Variants in TLK2 observed in about 807,000 individuals in gnomAD.
The protein encoded by TLK2 is tousled like kinase 2, also known as serine/threonine-protein kinase tousled-like 2.
TLK2 carries 6 observed loss-of-function variants against 117.3 expected under a neutral mutation model. That is an observed-to-expected ratio of 0.05 (90% CI 0.03 to 0.10). The LOEUF is 0.10. Among genes scored for constraint, TLK2 ranks in the 10% least tolerant of loss-of-function variants. The pLI, the probability that TLK2 is intolerant of heterozygous loss-of-function variation, is 1.00. For missense variants in TLK2, 299 were observed against 901.2 expected, an observed-to-expected ratio of 0.33 and a Z score of 8.56; for synonymous variants, 257 against 316.7, an observed-to-expected ratio of 0.81 and a Z score of 2.00.
chr17:62,524,488 A>T (rs2076246052), intron 6 of TLK2, among the ~76,000 whole-genome samples, 157 bp downstream of exon 6: 1 of 152,206 alleles, frequency 6.6e-6, no homozygotes, highest in Non-Finnish European at 1.5e-5. Flanking sequence ...CTTTGATTCA[A>T]ATCTGTTGTC....
chr17:62,501,633 A>G (rs913300450), intron 2 of TLK2, among the ~76,000 whole-genome samples: 1 of 152,048 alleles, frequency 6.6e-6, no homozygotes, highest in African/African-American at 2.4e-5. Context: ...GAATCTGAAT[A>G]ACCCCATATT....
At chr17:62,490,688 C>A (rs565834827) in intron 2 of TLK2, among the ~76,000 whole-genome samples, 1 of 151,770 alleles carries the variant, frequency 6.6e-6, no homozygotes, top group East Asian at 1.9e-4. Flanking sequence ...ACTATAGGCA[C>A]GCGCCACCGC....
rs57512334 is a variant in TLK2 at position 62,538,033 on chromosome 17, G to GTTTTTTT, written c.531+1710_531+1716dup. Among the ~76,000 whole-genome samples, 17 of 106,176 alleles carry GTTTTTTT rather than the reference G, an allele frequency of 1.6e-4. 1 individual carries two copies. Among genetic ancestry groups the GTTTTTTT allele is most frequent in the South Asian group, 7.2e-4 (2 of 2,782 alleles). The allele number at this position is 106,176 out of a possible 152,430, so 69.7% of individuals were successfully genotyped here. A position where few individuals can be genotyped will look rare whatever the true frequency, so the allele number is the denominator to read the frequency against. On this transcript the variant is annotated intron_variant, in intron 7 of 21. Coordinates refer to ENST00000346027, the MANE Select transcript of TLK2 (RefSeq NM_006852.6). Reference sequence around the variant, plus strand: ...ATACACTTACTTTTGTTAAATCTTTGTTTTTTTTTTTTTTTTTTTTGAGAT... The same window carrying GTTTTTTT: ...ATACACTTACTTTTGTTAAATCTTTGTTTTTTTTTTTTTTTTTTTTTTTTTTTGAGAT...
intron 7 of TLK2, chr17:62,551,897 C>T (rs1454838024): frequency 4.1e-6 from 1 of 244,280 alleles, no homozygotes; most frequent in Non-Finnish European, 8.1e-6. Context: ...GTTTAGGAGA[C>T]TATTCTGAAT....
chr17:62,472,186 G>A (rs1336271646), intron 1 of TLK2, among the ~76,000 whole-genome samples: 51 of 151,786 alleles, frequency 3.4e-4, no homozygotes, highest in Non-Finnish European at 6.3e-4. Context: ...GATTACAGGC[G>A]TGAGCCACCG....
chr17:62,545,003 T>C (rs1259420579), intron 7 of TLK2, among the ~76,000 whole-genome samples: 1 of 152,154 alleles, frequency 6.6e-6, no homozygotes, highest in Non-Finnish European at 1.5e-5. Flanking sequence ...TGCTCATTGC[T>C]AGAGTATAGA....
At chr17:62,582,713 C>T (rs1265561096) in intron 15 of TLK2, among the ~76,000 whole-genome samples, 4 of 152,160 alleles carry the variant, frequency 2.6e-5, no homozygotes, top group East Asian at 1.9e-4. Context: ...AGTACATTCA[C>T]ACTTTTTGTG....
At chr17:62,611,098 C>T (rs564292687) in intron 21 of TLK2, among the ~76,000 whole-genome samples, 28 of 152,174 alleles carry the variant, frequency 1.8e-4, no homozygotes, top group African/African-American at 5.8e-4. Flanking sequence ...TGATCATGCC[C>T]GTGCACTCCA....
At chr17:62,610,772 G>A (rs1194212898) in intron 21 of TLK2, among the ~76,000 whole-genome samples, 1 of 152,148 alleles carries the variant, frequency 6.6e-6, no homozygotes, top group Non-Finnish European at 1.5e-5. Flanking sequence ...GCAGTTGCAG[G>A]TTTTAATCAG....
At chr17:62,548,240 A>ATATATATGTGTGTG (rs368516607) in intron 7 of TLK2, among the ~76,000 whole-genome samples, 2 of 121,234 alleles carry the variant, frequency 1.6e-5, no homozygotes, top group Non-Finnish European at 3.3e-5. Flanking sequence ...ATATATATAT[A>ATATATATGTGTGTG]TGTGTGTGTG....
Position 62,505,983 on chromosome 17 carries a change from G to A in TLK2, c.82-14790G>A, listed in dbSNP as rs183351271. Among the ~76,000 whole-genome samples, 21 of 152,252 alleles carry A rather than the reference G, an allele frequency of 1.4e-4. 1 individual carries two copies. The highest frequency in any genetic ancestry group is 7.2e-4 in the Admixed American group (11 of 15,294). On this transcript the variant is annotated intron_variant, in intron 2 of 21. Transcript: ENST00000346027. ...GCTGGGATTACAGGTGTGAGCCTCCGCACCCAGTCAATACACTTTAATCCA... is the reference window on the plus strand; with the variant it reads ...GCTGGGATTACAGGTGTGAGCCTCCACACCCAGTCAATACACTTTAATCCA...
intron 7 of TLK2, among the ~76,000 whole-genome samples, chr17:62,542,688 C>T (rs1374155295): frequency 6.6e-6 from 1 of 152,144 alleles, no homozygotes; most frequent in Non-Finnish European, 1.5e-5. Context: ...AGAAGAGAGA[C>T]ATTGAATTAG....
rs1009644581 is a variant in TLK2 at position 62,613,264 on chromosome 17, G to A, written c.*699G>A. On this transcript the variant is annotated 3_prime_UTR_variant, in exon 22 of 22. Coordinates refer to ENST00000346027, the MANE Select transcript of TLK2 (RefSeq NM_006852.6). ...TCAGATGCAGCTTTCTCCTCCGTCT[G>A]GTCTCCTGTTTGCAATTGCTTCCCT... 5 of 152,562 alleles carry A rather than the reference G, an allele frequency of 3.3e-5. No individual in the cohort carries two copies. The highest frequency in any genetic ancestry group is 1.2e-4 in the African/African-American group (5 of 41,422). 9.5% of individuals were successfully genotyped at this position (152,562 alleles called of 1,614,324 possible).
In TLK2 at chr17:62,609,664, T is replaced by C. The variant is rs1189546430; in HGVS notation, c.2079+1516T>C. Among the ~76,000 whole-genome samples, 3 of 152,232 alleles carry C rather than the reference T, an allele frequency of 2.0e-5. No homozygotes were observed. The East Asian group carries it at 5.8e-4, about 29-fold the overall frequency. ...CAAATGCTGATTTCCTGACTTGTCC[T>C]AGGAGAGCTGGAGAGAGGCTCAGCT... On this transcript the variant is annotated intron_variant, in intron 21 of 21. Transcript: ENST00000346027.
rs112826140 is a variant in TLK2, at chr17:62,504,072, G to A, written c.82-16701G>A. Among the ~76,000 whole-genome samples, 285 of 152,232 alleles carry A rather than the reference G, an allele frequency of 1.9e-3. 1 individual carries two copies. Among genetic ancestry groups the A allele is most frequent in the African/African-American group, 6.6e-3 (274 of 41,540 alleles). ...ATATTGTGACTTGTTGAATAATTTG[G>A]CCCCTATGGGTGGCAAGTTATTTTG... is the stretch of plus-strand genomic sequence containing the variant. On this transcript the variant is annotated intron_variant, in intron 2 of 21. Coordinates refer to ENST00000346027, the MANE Select transcript of TLK2 (RefSeq NM_006852.6).
At chr17:62,498,923 C>G (rs1314744294) in intron 2 of TLK2, among the ~76,000 whole-genome samples, 1 of 152,092 alleles carries the variant, frequency 6.6e-6, no homozygotes, top group African/African-American at 2.4e-5. Context: ...AGTGCAGTGG[C>G]GCAGTCATGG....
chr17:62,530,733 C>G (rs539845754), intron 6 of TLK2, among the ~76,000 whole-genome samples: 93 of 152,174 alleles, frequency 6.1e-4, no homozygotes, highest in Non-Finnish European at 1.2e-3. Flanking sequence ...CACCTTCCAC[C>G]TGGGGTTGCT....
chr17:62,549,398 C>CAAAAAAAAAAA (rs777779302), intron 7 of TLK2, among the ~76,000 whole-genome samples: 2 of 37,102 alleles, frequency 5.4e-5, no homozygotes, highest in African/African-American at 2.1e-4. Flanking sequence ...GACTCCATCT[C>CAAAAAAAAAAA]AAAAAAAAAA....
chr17:62,557,338 T>G (rs1434456982), intron 9 of TLK2, among the ~76,000 whole-genome samples: 1 of 152,196 alleles, frequency 6.6e-6, no homozygotes, highest in Non-Finnish European at 1.5e-5. Flanking sequence ...ATCACGTCTT[T>G]TTGCATTTTA....
Sources: gnomAD v4.1 joint callset for allele counts (sites outside exome capture counted in the v4.1 genomes callset) on GRCh38, gnomAD v4.1.1 for gene constraint, MANE v1.5 for transcripts, NCBI Gene and HGNC (gene_info 2026-07-23, HGNC 2026-07-21) for gene names.